Variants in EDARADD observed in about 807,000 individuals in gnomAD.
The protein encoded by EDARADD is EDAR associated via death domain.
Under a neutral mutation model 25.6 loss-of-function variants are expected in EDARADD, and 20 were observed. The ratio of observed to expected loss-of-function variants is 0.78; its 90% CI spans 0.55 to 1.14. The LOEUF is 1.14. Among genes scored for constraint, EDARADD ranks in the 50% most tolerant of loss-of-function variants. The pLI, the probability that EDARADD is intolerant of heterozygous loss-of-function variation, is 0.00. For synonymous variants in EDARADD, 86 were observed against 94.4 expected, an observed-to-expected ratio of 0.91 and a Z score of 0.52; for missense variants, 225 against 270.1, an observed-to-expected ratio of 0.83 and a Z score of 1.17.
At chr1:236,352,712 G>A (rs927389543) in intron 3 of EDARADD, among the ~76,000 whole-genome samples, 4 of 152,122 alleles carry the variant, frequency 2.6e-5, no homozygotes, top group Non-Finnish European at 5.9e-5. Flanking sequence ...GCCGGGCGTG[G>A]TGGTGGGCAC....
At chr1:236,428,239 A>T (rs10925124) in intron 4 of EDARADD, among the ~76,000 whole-genome samples, 4,506 of 152,230 alleles carry the variant, frequency 0.03, 227 homozygotes, top group African/African-American at 0.1. Flanking sequence ...CCTTAATCCA[A>T]TTAACCCTGA....
chr1:236,477,792 C>T (rs780090327), intron 5 of EDARADD, among the ~76,000 whole-genome samples: 2 of 151,800 alleles, frequency 1.3e-5, no homozygotes, highest in Non-Finnish European at 2.9e-5. Context: ...ATTTTTAAAA[C>T]GAATACTTGG....
intron 3 of EDARADD, among the ~76,000 whole-genome samples, chr1:236,351,566 C>T (rs546134578): frequency 1.9e-4 from 29 of 151,900 alleles, no homozygotes; most frequent in South Asian, 6.3e-4. Context: ...AAAAATTAGC[C>T]GGGCGTGGTG....
Position 236,468,657 on chromosome 1 carries a change from A to G in EDARADD, c.265+381A>G, listed in dbSNP as rs115110604. ...TAAATAAAATAAATAATTTGAGACT[A>G]TGTTTATCATTAACTTTAAAATCTG... On this transcript the variant is annotated intron_variant, in intron 5 of 5. Coordinates refer to ENST00000334232, the MANE Select transcript of EDARADD (RefSeq NM_145861.4). 6.2e-3 allele frequency among the ~76,000 whole-genome samples: 945 copies of G among 152,294 alleles called. 17 individuals carry two copies. Among genetic ancestry groups the G allele is most frequent in the African/African-American group, 0.022 (903 of 41,546 alleles).
At chr1:236,383,377 A>T (rs1667322135) in intron 3 of EDARADD, among the ~76,000 whole-genome samples, 1 of 96,646 alleles carries the variant, frequency 1.0e-5, no homozygotes, top group South Asian at 4.7e-4. Context: ...CCTGGGCAAG[A>T]CTCCGTCTCA....
chr1:236,476,282 T>G (rs1659502237), intron 5 of EDARADD, among the ~76,000 whole-genome samples: 1 of 152,136 alleles, frequency 6.6e-6, no homozygotes, highest in Non-Finnish European at 1.5e-5. Flanking sequence ...ACGATAACAT[T>G]GCCAACACTG....
upstream of EDARADD, among the ~76,000 whole-genome samples, chr1:236,389,329 G>A (rs1667393876): frequency 1.3e-5 from 2 of 152,134 alleles, no homozygotes; most frequent in Non-Finnish European, 2.9e-5. Flanking sequence ...TCCCCACCCA[G>A]GGCATTCTAA....
intron 3 of EDARADD, among the ~76,000 whole-genome samples, chr1:236,381,868 C>T (rs545416591): frequency 6.8e-4 from 80 of 117,784 alleles, no homozygotes; most frequent in Admixed American, 2.6e-3. Flanking sequence ...TGGCCTGAAA[C>T]TCTTGGGCTC....
chr1:236,473,279 CG>C (rs1177889811), intron 5 of EDARADD, among the ~76,000 whole-genome samples: 1 of 151,908 alleles, frequency 6.6e-6, no homozygotes, highest in Non-Finnish European at 1.5e-5. Flanking sequence ...CACTTTAGCT[CG>C]GAAAGGGTAG....
intron 3 of EDARADD, among the ~76,000 whole-genome samples, chr1:236,375,194 A>G (rs1318757494): frequency 6.6e-6 from 1 of 152,174 alleles, no homozygotes; most frequent in Non-Finnish European, 1.5e-5. Context: ...TACCTATAAT[A>G]ACAAAATAAT....
chr1:236,377,777 G>C (rs1667242226), intron 3 of EDARADD, among the ~76,000 whole-genome samples: 2 of 152,020 alleles, frequency 1.3e-5, no homozygotes, highest in African/African-American at 4.8e-5. Context: ...AGAATCGCTT[G>C]AACCCGGGAG....
chr1:236,468,347 G>C, intron 5 of EDARADD, 71 bp downstream of exon 5: 1 of 1,535,006 alleles, frequency 6.5e-7, no homozygotes, highest in East Asian at 2.3e-5. Flanking sequence ...TTTGAGGCCA[G>C]GGTCGGTGAC....
At chr1:236,480,791 G>A (rs1397490703) in intron 5 of EDARADD, among the ~76,000 whole-genome samples, 2 of 152,158 alleles carry the variant, frequency 1.3e-5, no homozygotes, top group East Asian at 3.8e-4. Context: ...ACTTGTCAAC[G>A]CCTCTCACCT....
chr1:236,470,444 T>A (rs555331586), intron 5 of EDARADD, among the ~76,000 whole-genome samples: 1 of 152,212 alleles, frequency 6.6e-6, no homozygotes, highest in African/African-American at 2.4e-5. Context: ...AAAATAAAAA[T>A]AAATACAGAA....
At chr1:236,404,375 A>G (rs187270055) in intron 1 of EDARADD, among the ~76,000 whole-genome samples, 97 of 152,300 alleles carry the variant, frequency 6.4e-4, no homozygotes, top group African/African-American at 1.9e-3. Context: ...ACACACTCAC[A>G]TCTGGACCTG....
chr1:236,384,396 C>A (rs1465982225), intron 3 of EDARADD, among the ~76,000 whole-genome samples: 3 of 152,132 alleles, frequency 2.0e-5, no homozygotes, highest in Non-Finnish European at 4.4e-5. Flanking sequence ...GGGTTAAGTA[C>A]CTTTTTCAAT....
chr1:236,482,735 G>C lies in EDARADD; in HGVS notation c.*86G>C. The C allele has an allele frequency of 6.3e-7, 1 of 1,591,448 alleles. No individual in the cohort carries two copies. Among genetic ancestry groups the C allele is most frequent in the Non-Finnish European group, 8.5e-7 (1 of 1,173,130 alleles). ...AATGTGAATCTGTTGTTTTATAAGAGTTTAGGACAAGGACGTGGAACAGTG... is the reference window on the plus strand; with the variant it reads ...AATGTGAATCTGTTGTTTTATAAGACTTTAGGACAAGGACGTGGAACAGTG... On this transcript the variant is annotated 3_prime_UTR_variant, in exon 6 of 6. Transcript: ENST00000334232.
chr1:236,435,391 G>A, intron 4 of EDARADD, among the ~76,000 whole-genome samples: 1 of 152,212 alleles, frequency 6.6e-6, no homozygotes, highest in South Asian at 2.1e-4. Context: ...TTGAGGGCAG[G>A]GACTCCTGTG....
At chr1:236,425,971 T>C (rs76668970) in intron 3 of EDARADD, among the ~76,000 whole-genome samples, 67,390 of 150,530 alleles carry the variant, frequency 0.45, 17,342 homozygotes, top group Non-Finnish European at 0.59. Flanking sequence ...TTTTCTTATC[T>C]TTTTTTTTTA....
Sources: gnomAD v4.1 joint callset for allele counts (sites outside exome capture counted in the v4.1 genomes callset) on GRCh38, gnomAD v4.1.1 for gene constraint, MANE v1.5 for transcripts, NCBI Gene and HGNC (gene_info 2026-07-23, HGNC 2026-07-21) for gene names.